Variants in ZFYVE1 observed in about 807,000 individuals in gnomAD.
ZFYVE1 encodes the protein zinc finger FYVE-type containing 1.
ZFYVE1 carries 30 observed loss-of-function variants against 74.4 expected under a neutral mutation model. The observed-to-expected ratio is 0.40, with a 90% CI of 0.30 to 0.55. The LOEUF (loss-of-function observed/expected upper bound fraction) is 0.55. ZFYVE1 is among the 20% of genes least tolerant of loss of function. The probability of loss-of-function intolerance (pLI) is 0.42; values close to 1 mark genes in which losing one functional copy is unlikely to be tolerated. For missense variants in ZFYVE1, 703 were observed against 1,011.6 expected (o/e 0.69, Z 4.14); for synonymous variants, 335 against 385.1 (o/e 0.87, Z 1.52).
At chr14:72,980,497 G>C (rs2140348777) in intron 5 of ZFYVE1, among the ~76,000 whole-genome samples, 1 of 152,164 alleles carries the variant, frequency 6.6e-6, no homozygotes, top group South Asian at 2.1e-4. Context: ...TCCTCAAAGG[G>C]TGGTCCCCAT....
intron 2 of ZFYVE1, among the ~76,000 whole-genome samples, chr14:73,023,154 C>G (rs1181057737): frequency 8.5e-5 from 8 of 94,662 alleles, no homozygotes; most frequent in Admixed American, 1.6e-4. Flanking sequence ...GAGCGAAATT[C>G]CATCTCAAAA....
chr14:72,986,702 G>C (rs918932018), intron 4 of ZFYVE1, among the ~76,000 whole-genome samples: 2 of 151,434 alleles, frequency 1.3e-5, no homozygotes, highest in Non-Finnish European at 2.9e-5. Context: ...CTGATTTTTT[G>C]TATTTTTAAT....
chr14:73,004,481 A>G (rs1185455759), intron 2 of ZFYVE1, among the ~76,000 whole-genome samples: 1 of 151,830 alleles, frequency 6.6e-6, no homozygotes, highest in African/African-American at 2.4e-5. Context: ...TATATAACTC[A>G]TATGGGATGG....
Position 72,997,967 on chromosome 14 carries a change from T to G in ZFYVE1, c.832A>C (p.Lys278Gln). 6.2e-7 allele frequency: 1 copy of G among 1,614,144 alleles called. No homozygotes were observed. The highest frequency in any genetic ancestry group is 8.5e-7 in the Non-Finnish European group (1 of 1,180,020). Residue 278 changes from lysine to glutamine, a missense_variant, in exon 3 of 12, where the codon AAA becomes CAA. By Grantham distance (53) the Lys-to-Gln change is moderately conservative. Transcript: ENST00000556143. ...GCTTCTGAGGCATCCCCAAGGAATT[T>G]GAAGAGGTCGTTATGCAGCCGGTCT... ...HADRLHNDLF[K>Q]FLGDASEAYL...
intron 2 of ZFYVE1, among the ~76,000 whole-genome samples, chr14:72,999,137 TA>T (rs1169764371): frequency 6.6e-6 from 1 of 151,584 alleles, no homozygotes; most frequent in Non-Finnish European, 1.5e-5. Context: ...CTACAAAAAA[TA>T]AAAAATGAGG....
chr14:72,981,984 A>G (rs1277665642), intron 4 of ZFYVE1, 89 bp from the exon 5 acceptor site: 4 of 1,072,538 alleles, frequency 3.7e-6, no homozygotes, highest in Non-Finnish European at 5.7e-6. Flanking sequence ...CAAGCAACAC[A>G]GGCACAGAAG....
intron 4 of ZFYVE1, among the ~76,000 whole-genome samples, chr14:72,985,608 A>T (rs1893455449): frequency 6.6e-6 from 1 of 152,076 alleles, no homozygotes; most frequent in Non-Finnish European, 1.5e-5. Context: ...CTGGGGTTAC[A>T]GGCGTGAGCC....
chr14:73,001,778 G>A (rs887943149), intron 2 of ZFYVE1, among the ~76,000 whole-genome samples: 3 of 148,006 alleles, frequency 2.0e-5, no homozygotes, highest in Non-Finnish European at 4.4e-5. Context: ...GAGAAACCCC[G>A]TCTCTACTAA....
intron 1 of ZFYVE1, among the ~76,000 whole-genome samples, chr14:73,026,090 A>AT (rs1244775586): frequency 1.3e-5 from 2 of 151,690 alleles, no homozygotes; most frequent in African/African-American, 4.9e-5. Flanking sequence ...TTTAAAAACA[A>AT]TTTTTTTACA....
chr14:72,969,762 G>A lies in ZFYVE1; in HGVS notation c.*1120C>T, dbSNP rs954801890. ...GACAGACAGAGATGTCCAGGCTCTT[G>A]AGGAGAAACAAAAGTTCCTTTGACT... On this transcript the variant is annotated 3_prime_UTR_variant, in exon 12 of 12. Coordinates refer to ENST00000556143, the MANE Select transcript of ZFYVE1 (RefSeq NM_021260.4). 2.8e-6 allele frequency: 2 copies of A among 702,052 alleles called. No individual in the cohort carries two copies. The highest frequency in any genetic ancestry group is 3.5e-5 in the African/African-American group (2 of 57,166). 43.5% of individuals were successfully genotyped at this position (702,052 alleles called of 1,614,324 possible).
intron 2 of ZFYVE1, among the ~76,000 whole-genome samples, chr14:72,999,842 G>A (rs577521178): frequency 1.1e-4 from 17 of 152,224 alleles, no homozygotes; most frequent in East Asian, 9.7e-4. Context: ...GGCAGATCGC[G>A]TGAGGCCAGG....
At chr14:73,011,277 G>A (rs117873354) in intron 2 of ZFYVE1, among the ~76,000 whole-genome samples, 10,576 of 151,864 alleles carry the variant, frequency 0.07, 530 homozygotes, top group South Asian at 0.19. Flanking sequence ...TCGAGGCCAG[G>A]AGGTTCGAGA....
chr14:72,977,170 G>A (rs1367861191), intron 8 of ZFYVE1, among the ~76,000 whole-genome samples: 1 of 152,206 alleles, frequency 6.6e-6, no homozygotes, highest in Admixed American at 6.5e-5. Context: ...CCCTTTGGGA[G>A]GCCGAGGTGG....
At chr14:73,003,054 CTTTTT>C (rs201185010) in intron 2 of ZFYVE1, among the ~76,000 whole-genome samples, 4 of 102,968 alleles carry the variant, frequency 3.9e-5, no homozygotes, top group African/African-American at 7.5e-5. Flanking sequence ...TTTTTCTTTT[CTTTTT>C]TTTTTTTTTT....
At position 73,005,488 on chromosome 14, in the gene ZFYVE1, C is replaced by A. The variant is rs183975170; in HGVS notation, c.484-7173G>T. On this transcript the variant is annotated intron_variant, in intron 2 of 11. Transcript: ENST00000556143. ...ACGCAGGAGGGATACCAAAGCCACC[C>A]CTCCCCAACTTTTGCCTTCCATCTT... Among the ~76,000 whole-genome samples, 654 of 152,276 alleles carry A rather than the reference C, an allele frequency of 4.3e-3. 14 individuals carry two copies. Among genetic ancestry groups the A allele is most frequent in the Admixed American group, 0.031 (470 of 15,294 alleles).
chr14:73,006,529 T>C lies in ZFYVE1; in HGVS notation c.484-8214A>G, dbSNP rs575421289. Among the ~76,000 whole-genome samples the C allele has an allele frequency of 4.6e-5, 7 of 151,572 alleles. No individual in the cohort carries two copies. The South Asian group carries it at 1.0e-3, about 23-fold the overall frequency. On this transcript the variant is annotated intron_variant, in intron 2 of 11. Coordinates refer to ENST00000556143, the MANE Select transcript of ZFYVE1 (RefSeq NM_021260.4). ...GGTGTAGGTTGCAGTGAGCCGAGAT[T>C]GCACCACTGCTCTCCAGCCTGGCCA... is the stretch of plus-strand genomic sequence containing the variant.
intron 11 of ZFYVE1, 97 bp downstream of exon 11, chr14:72,973,983 A>G: frequency 9.9e-7 from 1 of 1,005,468 alleles, no homozygotes; most frequent in Non-Finnish European, 1.5e-6. Context: ...ACCCATCTCA[A>G]TCTAGGTTGG....
chr14:72,981,803 C>G lies in ZFYVE1; in HGVS notation c.1296G>C (p.Leu432Phe). Residue 432 changes from leucine to phenylalanine, a missense_variant, in exon 5 of 12, where the codon TTG becomes TTC. Around this residue, in one of 2 missense-constraint regions of ZFYVE1, gnomAD observed 492 missense variants for 790.0 expected, o/e 0.62. Coordinates refer to ENST00000556143, the MANE Select transcript of ZFYVE1 (RefSeq NM_021260.4). ...FPDEYFTCSSLCLSCGVGCKK... is the reference protein window; with the variant it reads ...FPDEYFTCSSFCLSCGVGCKK... ...GCCTTACTTACCCACAGCTGAGGCA[C>G]AAGGAGGAGCAGGTGAAATACTCAT... is the stretch of plus-strand genomic sequence containing the variant. 6.2e-7 allele frequency: 1 copy of G among 1,614,052 alleles called. No individual in the cohort carries two copies. The highest frequency in any genetic ancestry group is 1.1e-5 in the South Asian group (1 of 91,082).
In ZFYVE1 at chr14:72,974,205, A is replaced by C; in HGVS notation, c.1988-12T>G. 6.2e-7 allele frequency: 1 copy of C among 1,612,058 alleles called. No homozygotes were observed. Among genetic ancestry groups the C allele is most frequent in the Non-Finnish European group, 8.5e-7 (1 of 1,178,182 alleles). ...TGCCTCGGTAACAGCTGTAGACAGT[A>C]ATAAAGGAAATGCTGTCACCTCTAA... On this transcript the variant is annotated splice_polypyrimidine_tract_variant and intron_variant, in intron 10 of 11. Coordinates refer to ENST00000556143, the MANE Select transcript of ZFYVE1 (RefSeq NM_021260.4).
Sources: gnomAD v4.1 joint callset for allele counts (sites outside exome capture counted in the v4.1 genomes callset) on GRCh38, gnomAD v4.1.1 for gene constraint, gnomAD v4.1.1 regional missense constraint, MANE v1.5 for transcripts, NCBI Gene and HGNC (gene_info 2026-07-23, HGNC 2026-07-21) for gene names.